Variants in PCDHA5 observed in about 807,000 individuals in gnomAD.
The protein encoded by PCDHA5 is protocadherin alpha-5.
A neutral mutation model predicts 61.6 loss-of-function variants in PCDHA5; 43 were observed. The ratio of observed to expected loss-of-function variants is 0.70; its 90% CI spans 0.55 to 0.90. The LOEUF (loss-of-function observed/expected upper bound fraction) is 0.90, where lower values mean the gene tolerates loss of function less well. PCDHA5 is among the 40% of genes least tolerant of loss of function. The probability of loss-of-function intolerance (pLI) is 0.00; values close to 1 mark genes in which losing one functional copy is unlikely to be tolerated. For missense variants in PCDHA5, 1,298 were observed against 1,222.7 expected, an observed-to-expected ratio of 1.06 and a Z score of -0.92; for synonymous variants, 627 against 543.9, an observed-to-expected ratio of 1.15 and a Z score of -2.13.
intron 1 of PCDHA5, chr5:140,882,629 G>A: frequency 6.2e-7 from 1 of 1,614,254 alleles, no homozygotes; most frequent in Admixed American, 1.7e-5. Context: ...CCATGTGGAG[G>A]TGAAGGTGAG....
At chr5:140,827,571 A>C (rs1769334993) in intron 1 of PCDHA5, among the ~76,000 whole-genome samples, 2 of 152,232 alleles carry the variant, frequency 1.3e-5, no homozygotes, top group Admixed American at 1.3e-4. Flanking sequence ...AGCACTATAT[A>C]ATAGCATGTC....
intron 1 of PCDHA5, chr5:140,836,159 G>A (rs2150254425): frequency 6.2e-7 from 1 of 1,613,838 alleles, no homozygotes. Context: ...ATGTGGTGGC[G>A]AAGGTACGTG....
chr5:140,896,762 T>C (rs1408695272), intron 1 of PCDHA5, among the ~76,000 whole-genome samples: 1 of 152,224 alleles, frequency 6.6e-6, no homozygotes, highest in Non-Finnish European at 1.5e-5. Context: ...TAGACCTTTG[T>C]TGGATGCATA....
intron 1 of PCDHA5, among the ~76,000 whole-genome samples, chr5:140,923,753 TG>T (rs1217230498): frequency 6.6e-6 from 1 of 152,174 alleles, no homozygotes; most frequent in Non-Finnish European, 1.5e-5. Context: ...AGGCATATGG[TG>T]GGACAAATCC....
At chr5:140,835,062 C>G in intron 1 of PCDHA5, 2 of 1,216,122 alleles carry the variant, frequency 1.6e-6, no homozygotes, top group South Asian at 1.5e-5. Context: ...TGGCACCGTT[C>G]AATTACTCAT....
intron 3 of PCDHA5, among the ~76,000 whole-genome samples, chr5:141,003,459 GCAC>G (rs1442979686): frequency 6.6e-6 from 1 of 152,028 alleles, no homozygotes; most frequent in African/African-American, 2.4e-5. Context: ...TTACAGGCGT[GCAC>G]CACCACAGTC....
intron 1 of PCDHA5, among the ~76,000 whole-genome samples, chr5:140,899,097 T>A (rs1160754058): frequency 2.0e-5 from 3 of 151,826 alleles, no homozygotes; most frequent in Non-Finnish European, 4.4e-5. Flanking sequence ...TGGGCTGAGA[T>A]AATGGGGTTT....
intron 1 of PCDHA5, among the ~76,000 whole-genome samples, chr5:140,951,706 G>A (rs2094621330): frequency 6.6e-6 from 1 of 152,060 alleles, no homozygotes; most frequent in African/African-American, 2.4e-5. Context: ...CTTTGGGCGG[G>A]GACACAGATC....
chr5:140,877,604 T>G (rs376081263), intron 1 of PCDHA5: 2 of 1,613,768 alleles, frequency 1.2e-6, no homozygotes, highest in African/African-American at 1.3e-5. Context: ...TCCAGCCTGC[T>G]GGTGCTCACG....
At chr5:140,855,753 G>C (rs1461376517) in intron 1 of PCDHA5, 1 of 333,040 alleles carries the variant, frequency 3.0e-6, no homozygotes, top group African/African-American at 2.1e-5. Flanking sequence ...GTGAGGCTTT[G>C]AAAGTCCATA....
At chr5:140,970,585 T>G (rs1554232585) in intron 1 of PCDHA5, among the ~76,000 whole-genome samples, 2 of 152,244 alleles carry the variant, frequency 1.3e-5, no homozygotes, top group Non-Finnish European at 2.9e-5. Context: ...ATAACAGAGA[T>G]ATGCTTTGTG....
chr5:140,968,739 T>C, intron 1 of PCDHA5: 1 of 1,614,192 alleles, frequency 6.2e-7, no homozygotes, highest in South Asian at 1.1e-5. Context: ...ACTTTCAACC[T>C]GACCGTGGTG....
chr5:140,966,402 G>A (rs1554228257), intron 1 of PCDHA5: 4 of 404,514 alleles, frequency 9.9e-6, no homozygotes, highest in African/African-American at 8.2e-5. Context: ...ACTTCGGCGC[G>A]GAATCAGAGC....
intron 1 of PCDHA5, chr5:140,860,142 T>C (rs1288609086): frequency 1.3e-5 from 2 of 149,904 alleles, no homozygotes; most frequent in Admixed American, 6.7e-5. Flanking sequence ...TGTATATATA[T>C]GTATATATGT....
intron 1 of PCDHA5, chr5:140,856,537 G>A: frequency 1.9e-6 from 3 of 1,598,370 alleles, no homozygotes; most frequent in Non-Finnish European, 1.7e-6. Flanking sequence ...ATGTTGGAGA[G>A]AACGCATTGC....
chr5:140,970,293 T>C (rs2096396195), intron 1 of PCDHA5, among the ~76,000 whole-genome samples: 3 of 152,220 alleles, frequency 2.0e-5, no homozygotes, highest in Admixed American at 2.0e-4. Context: ...TTTCAAGTCC[T>C]TCATGTCTTT....
rs1554225842 is a variant in PCDHA5 at position 140,962,164 on chromosome 5, C to T, written c.2353-16785C>T. Among the ~76,000 whole-genome samples the T allele has an allele frequency of 2.0e-5, 3 of 152,236 alleles. No individual in the cohort carries two copies. In the South Asian group the frequency reaches 6.2e-4, roughly 32 times the overall value. On this transcript the variant is annotated intron_variant, in intron 1 of 3. Transcript: ENST00000529859. ...TGCTGGGATTACAGGCGTGAGCCAC[C>T]ACACCCGGCCACTTATATCACTTTT...
rs190555934 is a variant in PCDHA5 at position 140,905,437 on chromosome 5, C to G, written c.2353-73512C>G. Among the ~76,000 whole-genome samples the G allele has an allele frequency of 2.8e-3, 421 of 152,248 alleles. 2 individuals carry two copies. The highest frequency in any genetic ancestry group is 0.014 in the Middle Eastern group (4 of 294). On this transcript the variant is annotated intron_variant, in intron 1 of 3. Coordinates refer to ENST00000529859, the MANE Select transcript of PCDHA5 (RefSeq NM_018908.3). ...TACCATGCTGGTTTGATAACTACAG[C>G]CTTTTAGTATAATTTAAAGTCAGGT...
chr5:140,841,421 T>C, intron 1 of PCDHA5: 6 of 1,612,988 alleles, frequency 3.7e-6, no homozygotes, highest in Non-Finnish European at 5.1e-6. Context: ...GCTCCACTAC[T>C]CCGTCCCCGA....
Sources: gnomAD v4.1 joint callset for allele counts (sites outside exome capture counted in the v4.1 genomes callset) on GRCh38, gnomAD v4.1.1 for gene constraint, MANE v1.5 for transcripts, NCBI Gene and HGNC (gene_info 2026-07-23, HGNC 2026-07-21) for gene names.